Variants in PRKCZ observed in about 807,000 individuals in gnomAD.
PRKCZ encodes protein kinase C zeta.
In PRKCZ, 33 loss-of-function variants were observed where a neutral mutation model predicts 79.5. The ratio of observed to expected loss-of-function variants is 0.41; its 90% confidence interval spans 0.31 to 0.55. PRKCZ has a LOEUF of 0.55. Ranked by LOEUF, PRKCZ falls within the 20% of genes least tolerant of loss-of-function variation. PRKCZ has a pLI of 0.19. For missense variants in PRKCZ, 578 were observed against 813.5 expected, an observed-to-expected ratio of 0.71 and a Z score of 3.52; for synonymous variants, 342 against 320.9, an observed-to-expected ratio of 1.07 and a Z score of -0.70.
intron 1 of PRKCZ, 121 bp downstream of exon 1, chr1:2,050,822 C>G (rs1390423960): frequency 3.2e-6 from 2 of 620,780 alleles, no homozygotes; most frequent in East Asian, 7.3e-5. Flanking sequence ...GCTGCGGGCC[C>G]GGGGCTGTCG....
intron 4 of PRKCZ, among the ~76,000 whole-genome samples, chr1:2,115,350 G>A (rs866812046): frequency 6.6e-5 from 10 of 152,232 alleles, no homozygotes; most frequent in African/African-American, 1.4e-4. Context: ...TGCCCGTGGC[G>A]CATCTTTCAT....
chr1:2,167,698 G>T (rs1346356951), intron 10 of PRKCZ, among the ~76,000 whole-genome samples: 1 of 152,134 alleles, frequency 6.6e-6, no homozygotes, highest in Non-Finnish European at 1.5e-5. Flanking sequence ...GTGCCTCCTG[G>T]GTTCAGGCGA....
chr1:2,102,559 C>T (rs983394235), intron 4 of PRKCZ, among the ~76,000 whole-genome samples: 1 of 152,026 alleles, frequency 6.6e-6, no homozygotes, highest in South Asian at 2.1e-4. Context: ...GTCTCGATCT[C>T]CTGACCTCGT....
At chr1:2,129,515 C>T (rs1007773106) in intron 4 of PRKCZ, among the ~76,000 whole-genome samples, 16 of 152,194 alleles carry the variant, frequency 1.1e-4, no homozygotes, top group African/African-American at 2.4e-4. Flanking sequence ...GACCCTGGGG[C>T]GGACGCAGAC....
intron 4 of PRKCZ, among the ~76,000 whole-genome samples, chr1:2,108,054 C>T (rs1048607435): frequency 1.3e-5 from 2 of 152,228 alleles, no homozygotes; most frequent in Non-Finnish European, 2.9e-5. Context: ...TAGGCCTGGG[C>T]CAGTCGGGGT....
Position 2,125,897 on chromosome 1 carries a change from C to T in PRKCZ, c.335-9365C>T, listed in dbSNP as rs562496405. Among the ~76,000 whole-genome samples the T allele has an allele frequency of 2.6e-5, 4 of 152,198 alleles. No individual in the cohort carries two copies. The highest frequency in any genetic ancestry group is 4.4e-5 in the Non-Finnish European group (3 of 68,010). ...TGCCTCTCGCCAACATGCAGCACTTCCCTTCCTTTCCATGGAGCACGGTTC... is the reference window on the plus strand; with the variant it reads ...TGCCTCTCGCCAACATGCAGCACTTTCCTTCCTTTCCATGGAGCACGGTTC... On this transcript the variant is annotated intron_variant, in intron 4 of 17. Transcript: ENST00000378567. The surrounding 1 kb of genome is among the most constrained non-coding windows in gnomAD (Gnocchi z 4.2).
chr1:2,096,790 C>T (rs768814295), intron 4 of PRKCZ, among the ~76,000 whole-genome samples: 1 of 152,166 alleles, frequency 6.6e-6, no homozygotes, highest in African/African-American at 2.4e-5. Context: ...CAGGGGCAGC[C>T]AAGGGAAGGG....
intron 4 of PRKCZ, among the ~76,000 whole-genome samples, chr1:2,106,565 A>G (rs75571851): frequency 0.034 from 433 of 12,884 alleles, 114 homozygotes; most frequent in African/African-American, 0.12. Context: ...CAGGCCAGGT[A>G]ACTCTCAGCA....
chr1:2,059,950 C>T (rs990834825), intron 4 of PRKCZ, among the ~76,000 whole-genome samples: 9 of 152,334 alleles, frequency 5.9e-5, no homozygotes, highest in African/African-American at 2.2e-4. Flanking sequence ...CTCCTGGTCC[C>T]TGCTGGCCCC....
At chr1:2,120,302 T>G (rs1320948543) in intron 4 of PRKCZ, among the ~76,000 whole-genome samples, 1 of 126,420 alleles carries the variant, frequency 7.9e-6, no homozygotes, top group Non-Finnish European at 1.7e-5. Context: ...CGTTTTTTTT[T>G]TTTTTTTTTT....
intron 4 of PRKCZ, among the ~76,000 whole-genome samples, chr1:2,126,084 C>T (rs112562268): frequency 2.0e-5 from 3 of 151,998 alleles, no homozygotes; most frequent in Non-Finnish European, 2.9e-5. Context: ...GGGGGTCCTG[C>T]GGGGGCTTCT....
At chr1:2,087,346 G>A (rs1016283309) in intron 4 of PRKCZ, among the ~76,000 whole-genome samples, 1 of 152,142 alleles carries the variant, frequency 6.6e-6, no homozygotes, top group Non-Finnish European at 1.5e-5. Flanking sequence ...GCCTCCCAAA[G>A]TGCTGAGATT....
intron 9 of PRKCZ, among the ~76,000 whole-genome samples, chr1:2,155,482 T>G (rs1191960737): frequency 6.6e-6 from 1 of 151,020 alleles, no homozygotes; most frequent in South Asian, 2.1e-4. Context: ...ACGGTGGTGA[T>G]GAAGGTGATG....
At chr1:2,078,610 G>A (rs1438053018) in intron 4 of PRKCZ, among the ~76,000 whole-genome samples, 1 of 152,164 alleles carries the variant, frequency 6.6e-6, no homozygotes, top group Non-Finnish European at 1.5e-5. Flanking sequence ...TTTACACCCA[G>A]TTATTTATCA....
chr1:2,148,912 A>G lies in PRKCZ; in HGVS notation c.675A>G (p.Lys225=). Residue 225 remains lysine (K), a synonymous_variant, in exon 8 of 18, where the codon AAA becomes AAG. Coordinates refer to ENST00000378567, the MANE Select transcript of PRKCZ (RefSeq NM_002744.6). ...CATCCCGGAAGCATGACAGCATTAA[A>G]GACGACTCGGAGGTGAGTGTGTGGA... ...ISSSRKHDSI[K]DDSEDLKPVI... 6.2e-7 allele frequency: 1 copy of G among 1,614,014 alleles called. No homozygotes were observed. The highest frequency in any genetic ancestry group is 8.5e-7 in the Non-Finnish European group (1 of 1,179,882).
intron 10 of PRKCZ, among the ~76,000 whole-genome samples, chr1:2,167,803 C>G (rs1683633884): frequency 6.6e-6 from 1 of 152,168 alleles, no homozygotes; most frequent in Non-Finnish European, 1.5e-5. Context: ...TGAGGTTTCA[C>G]CATGTTGGCC....
In PRKCZ at chr1:2,149,871, G is replaced by C. The variant is rs1487015707; in HGVS notation, c.688-919G>C. On this transcript the variant is annotated intron_variant, in intron 8 of 17. Transcript: ENST00000378567. The surrounding 1 kb of genome is among the most constrained non-coding windows in gnomAD (Gnocchi z 4.1). ...GGAAGAGTCTGTCTCAAAAAAAGCAGAATCCGGCTGGGCGCGGTGGCTCAC... is the reference window on the plus strand; with the variant it reads ...GGAAGAGTCTGTCTCAAAAAAAGCACAATCCGGCTGGGCGCGGTGGCTCAC... 6.7e-6 allele frequency among the ~76,000 whole-genome samples: 1 copy of C among 148,984 alleles called. No individual in the cohort carries two copies. The highest frequency in any genetic ancestry group is 1.5e-5 in the Non-Finnish European group (1 of 67,250).
rs923558431 is a variant in PRKCZ at position 2,172,107 on chromosome 1, A to G, written c.1114A>G (p.Ile372Val). The change falls in exon 12 of 18, where the codon ATC becomes GTC. Residue 372 changes from isoleucine (I) to valine (V), a missense_variant. Physicochemically the swap from Ile to Val is conservative, Grantham distance 29. Around this residue, in one of 4 missense-constraint regions of PRKCZ, gnomAD observed 243 missense variants for 467.0 expected, o/e 0.52. Coordinates refer to ENST00000378567, the MANE Select transcript of PRKCZ (RefSeq NM_002744.6). The surrounding 1 kb of genome is among the most constrained non-coding windows in gnomAD (Gnocchi z 7.8). Reference protein sequence around the residue: ...IALNFLHERGIIYRDLKLDNV... With the variant: ...IALNFLHERGVIYRDLKLDNV... Reference sequence around the variant, plus strand: ...CCTCAACTTCCTGCACGAGAGGGGGATCATCTACAGGGACCTGAAGCTGGA... The same window carrying G: ...CCTCAACTTCCTGCACGAGAGGGGGGTCATCTACAGGGACCTGAAGCTGGA... The G allele has an allele frequency of 6.2e-7, 1 of 1,613,142 alleles. No homozygotes were observed. Among genetic ancestry groups the G allele is most frequent in the East Asian group, 2.2e-5 (1 of 44,866 alleles).
At position 2,089,480 on chromosome 1, in the gene PRKCZ, C is replaced by T. The variant is rs574235639; in HGVS notation, c.334+29889C>T. Among the ~76,000 whole-genome samples the T allele has an allele frequency of 1.6e-4, 25 of 152,204 alleles. 3 individuals carry two copies. The South Asian group carries it at 5.0e-3, about 30-fold the overall frequency. ...CCCTGATTGCTCGAGATGCTGAAGG[C>T]GGGGAAGTCCAGGCAAGGTACCAGC... On this transcript the variant is annotated intron_variant, in intron 4 of 17. Transcript: ENST00000378567.
Sources: allele counts gnomAD v4.1 joint callset (sites outside exome capture counted in the v4.1 genomes callset), GRCh38; gene constraint gnomAD v4.1.1; regional missense constraint gnomAD v4.1.1; non-coding constraint Gnocchi (gnomAD v3.1); transcripts MANE v1.5; gene names NCBI Gene and HGNC (gene_info 2026-07-23, HGNC 2026-07-21).